The following LCK variants were observed in gnomAD, a reference collection of about 807,000 sequenced individuals.
The protein encoded by LCK is tyrosine-protein kinase Lck.
A neutral mutation model predicts 64.6 loss-of-function variants in LCK; 14 were observed. The observed-to-expected ratio is 0.22, with a 90% CI of 0.14 to 0.34. LCK has a LOEUF of 0.34. Ranked by LOEUF, LCK falls within the 10% of genes least tolerant of loss-of-function variation. LCK has a pLI of 1.00. For synonymous variants in LCK, 277 were observed against 263.6 expected, an observed-to-expected ratio of 1.05 and a Z score of -0.49; for missense variants, 434 against 668.1, an observed-to-expected ratio of 0.65 and a Z score of 3.86.
chr1:32,272,289 G>A (rs981976588), intron 1 of LCK, among the ~76,000 whole-genome samples: 2 of 151,584 alleles, frequency 1.3e-5, no homozygotes, highest in African/African-American at 2.4e-5. Context: ...TCAGCAGTTG[G>A]ACAAAAGAGA....
intron 12 of LCK, among the ~76,000 whole-genome samples, chr1:32,284,989 C>G (rs1266397603): frequency 2.0e-5 from 3 of 148,684 alleles, no homozygotes; most frequent in Non-Finnish European, 3.0e-5. Flanking sequence ...AGTGAGATCC[C>G]TTATCTAAAA....
chr1:32,260,531 A>G (rs1639741180), intron 1 of LCK, among the ~76,000 whole-genome samples: 2 of 151,930 alleles, frequency 1.3e-5, no homozygotes, highest in Non-Finnish European at 2.9e-5. Context: ...TTTCTTTTTT[A>G]CTTTTTGTGC....
At chr1:32,263,524 C>T (rs1161369602) in intron 1 of LCK, among the ~76,000 whole-genome samples, 1 of 151,948 alleles carries the variant, frequency 6.6e-6, no homozygotes, top group African/African-American at 2.4e-5. Flanking sequence ...ACTGCTTGAG[C>T]CCATGAGTTT....
rs1639506875 is a variant in LCK, at chr1:32,251,570, C to T, written c.-6+199C>T. ...TTCCTGCGAAGCTGGTGTCGCTTGC[C>T]TCTGTCGTGCTGTCCACCAGTGGCC... On this transcript the variant is annotated intron_variant, in intron 1 of 12. Transcript: ENST00000336890. The surrounding 1 kb of genome is among the most constrained non-coding windows in gnomAD (Gnocchi z 4.0). Among the ~76,000 whole-genome samples, 1 of 152,208 alleles carries T rather than the reference C, an allele frequency of 6.6e-6. No individual in the cohort carries two copies. The highest frequency in any genetic ancestry group is 1.5e-5 in the Non-Finnish European group (1 of 68,020).
chr1:32,278,169 A>G, intron 9 of LCK, among the ~76,000 whole-genome samples: 1 of 152,124 alleles, frequency 6.6e-6, no homozygotes, highest in East Asian at 1.9e-4. Context: ...ACAGAGCGAG[A>G]CCTTGTCTCA....
At position 32,261,652 on chromosome 1, in the gene LCK, C is replaced by CAA. The variant is rs1227702959; in HGVS notation, c.-6+10299_-6+10300dup. On this transcript the variant is annotated intron_variant, in intron 1 of 12. Transcript: ENST00000336890. The stretch of plus-strand genomic sequence containing the variant: ...CACAGTGAGACTCTGTCCTCTGTCT[C>CAA]AAAAAAAAAAAAAAAAAAAGGGCCA... Among the ~76,000 whole-genome samples the CAA allele has an allele frequency of 7.8e-4, 50 of 64,320 alleles. 2 individuals carry two copies. Among genetic ancestry groups the CAA allele is most frequent in the African/African-American group, 2.3e-3 (42 of 18,360 alleles). 42.2% of individuals were successfully genotyped at this position (64,320 alleles called of 152,430 possible).
At chr1:32,277,757 A>AT (rs1640326256) in intron 9 of LCK, among the ~76,000 whole-genome samples, 1 of 152,098 alleles carries the variant, frequency 6.6e-6, no homozygotes. Flanking sequence ...TGGCTTCATG[A>AT]TTTTATGGCT....
At chr1:32,254,975 C>A (rs1347867254) in intron 1 of LCK, among the ~76,000 whole-genome samples, 1 of 151,962 alleles carries the variant, frequency 6.6e-6, no homozygotes, top group Admixed American at 6.6e-5. Flanking sequence ...ATAGGCAGAC[C>A]CCATCTCTAT....
rs573807638 is a variant in LCK at position 32,259,917 on chromosome 1, GGC to G, written c.-6+8547_-6+8548del. ...GATATTGTCATGAGGGTTCTATGTG[GGC>G]ATGAATAGCTAAGGCTCTTTATTGA... On this transcript the variant is annotated intron_variant, in intron 1 of 12. Transcript: ENST00000336890. 1.5e-4 allele frequency among the ~76,000 whole-genome samples: 23 copies of G among 152,090 alleles called. 1 individual carries two copies. In the South Asian group the frequency reaches 4.8e-3, roughly 32 times the overall value.
chr1:32,259,487 G>A (rs1254390399), intron 1 of LCK, among the ~76,000 whole-genome samples: 2 of 151,878 alleles, frequency 1.3e-5, no homozygotes, highest in East Asian at 3.9e-4. Context: ...AGGTGTGGTG[G>A]CACACGCCTG....
rs1295508633 is a variant in LCK at position 32,276,323 on chromosome 1, C to T, written c.632-14C>T. On this transcript the variant is annotated splice_polypyrimidine_tract_variant and intron_variant, in intron 7 of 12. Transcript: ENST00000336890. This position sits in a 1 kb window ranked among gnomAD's most constrained non-coding sequence, Gnocchi z 4.6. ...GCCCTATTGACAGCCTTCACCCCTC[C>T]CTCGTCCTCGCAGATGCTTCAGATG... is the stretch of plus-strand genomic sequence containing the variant. The T allele has an allele frequency of 1.3e-6, 2 of 1,547,942 alleles. No homozygotes were observed. The highest frequency in any genetic ancestry group is 2.7e-5 in the African/African-American group (2 of 73,214).
In LCK at chr1:32,275,254, G is replaced by T; in HGVS notation, c.279-67G>T. 4 of 1,538,468 alleles carry T rather than the reference G, an allele frequency of 2.6e-6. No homozygotes were observed. The highest frequency in any genetic ancestry group is 3.6e-6 in the Non-Finnish European group (4 of 1,112,148). ...GGGGAGGCTGGCTTAAGGGGTGGAG[G>T]GGTCTTTGAGGGAGGGTCTCAGGTC... is the stretch of plus-strand genomic sequence containing the variant. On this transcript the variant is annotated intron_variant, in intron 4 of 12. Transcript: ENST00000336890. The surrounding 1 kb of genome is among the most constrained non-coding windows in gnomAD (Gnocchi z 6.9).
chr1:32,279,399 A>C (rs1378395339), intron 9 of LCK, among the ~76,000 whole-genome samples: 2 of 152,124 alleles, frequency 1.3e-5, no homozygotes, highest in African/African-American at 4.8e-5. Flanking sequence ...GACCATGCCA[A>C]GCTTAGGATA....
chr1:32,255,458 T>A (rs1442220595), intron 1 of LCK, among the ~76,000 whole-genome samples: 2 of 152,248 alleles, frequency 1.3e-5, no homozygotes, highest in Admixed American at 6.5e-5. Flanking sequence ...ATGCGGGATG[T>A]CTTTCCGTGT....
intron 1 of LCK, among the ~76,000 whole-genome samples, chr1:32,255,087 G>T (rs1007108008): frequency 2.0e-5 from 3 of 152,156 alleles, no homozygotes. Flanking sequence ...TCTGGGATAT[G>T]CCCATCGTGA....
rs1257066509 is a variant in LCK at position 32,251,997 on chromosome 1, G to A, written c.-6+626G>A. 6.6e-6 allele frequency among the ~76,000 whole-genome samples: 1 copy of A among 152,072 alleles called. No individual in the cohort carries two copies. The highest frequency in any genetic ancestry group is 1.5e-5 in the Non-Finnish European group (1 of 68,012). On this transcript the variant is annotated intron_variant, in intron 1 of 12. Coordinates refer to ENST00000336890, the MANE Select transcript of LCK (RefSeq NM_005356.5). The surrounding 1 kb of genome is among the most constrained non-coding windows in gnomAD (Gnocchi z 4.0). Reference sequence around the variant, plus strand: ...AGGAGTGATTTTAGCCTCAGCGATCGAGGGAAGAATCTCCTGATGGGCGTG... The same window carrying A: ...AGGAGTGATTTTAGCCTCAGCGATCAAGGGAAGAATCTCCTGATGGGCGTG...
chr1:32,279,751 A>T lies in LCK; in HGVS notation c.1041+4A>T. On this transcript the variant is annotated splice_donor_region_variant and intron_variant, in intron 10 of 12. Transcript: ENST00000336890. ...ACTCCTGGACATGGCAGCCCAAGTA[A>T]GGAGACTGGGGAGGGGGGCTGGGCA... 1 of 1,610,994 alleles carries T rather than the reference A, an allele frequency of 6.2e-7. No homozygotes were observed. Among genetic ancestry groups the T allele is most frequent in the Non-Finnish European group, 8.5e-7 (1 of 1,177,476 alleles).
At chr1:32,269,015 T>C (rs1032846907) in intron 1 of LCK, among the ~76,000 whole-genome samples, 5 of 148,594 alleles carry the variant, frequency 3.4e-5, no homozygotes, top group African/African-American at 1.0e-4. Flanking sequence ...ACGCCTGTAG[T>C]CCCACCTGCT....
chr1:32,253,305 T>C (rs1204233199), intron 1 of LCK, among the ~76,000 whole-genome samples: 1 of 152,120 alleles, frequency 6.6e-6, no homozygotes, highest in Admixed American at 6.6e-5. Context: ...CAGGTTGTAA[T>C]GAGCAGAGAT....
Sources: allele counts gnomAD v4.1 joint callset (sites outside exome capture counted in the v4.1 genomes callset), GRCh38; gene constraint gnomAD v4.1.1; non-coding constraint Gnocchi (gnomAD v3.1); transcripts MANE v1.5; gene names NCBI Gene and HGNC (gene_info 2026-07-23, HGNC 2026-07-21).